HMGXB4: variants seen among roughly 807,000 people sequenced by gnomAD.
The protein encoded by HMGXB4 is HMG domain-containing protein 4.
HMGXB4 carries 27 observed loss-of-function variants against 63.9 expected under a neutral mutation model. The ratio of observed to expected loss-of-function variants is 0.42; its 90% CI spans 0.31 to 0.58. The LOEUF (loss-of-function observed/expected upper bound fraction) is 0.58, where lower values mean the gene tolerates loss of function less well. Among genes scored for constraint, HMGXB4 ranks in the 20% least tolerant of loss-of-function variants. The pLI, the probability that HMGXB4 is intolerant of heterozygous loss-of-function variation, is 0.13. For synonymous variants in HMGXB4, 264 were observed against 265.3 expected, an observed-to-expected ratio of 0.99 and a Z score of 0.05; for missense variants, 624 against 700.7, an observed-to-expected ratio of 0.89 and a Z score of 1.24.
chr22:35,279,698 T>TC, intron 5 of HMGXB4, among the ~76,000 whole-genome samples: 1 of 132,860 alleles, frequency 7.5e-6, no homozygotes, highest in Non-Finnish European at 1.7e-5. Context: ...TTTTTTTTTT[T>TC]TGGCATGTGG....
upstream of HMGXB4, among the ~76,000 whole-genome samples, chr22:35,256,892 C>T (rs777335120): frequency 5.3e-5 from 8 of 152,194 alleles, no homozygotes; most frequent in Non-Finnish European, 1.0e-4. Context: ...TGTGTTCTCG[C>T]CTGTATATGA....
the HMGXB4 span, among the ~76,000 whole-genome samples, chr22:35,251,005 C>CT: frequency 6.6e-6 from 1 of 152,088 alleles, no homozygotes; most frequent in African/African-American, 2.4e-5. Context: ...GTGGCCTTTC[C>CT]TGCTACAGAC....
At chr22:35,258,076 T>C (rs1366904300) in intron 1 of HMGXB4, 1 of 152,248 alleles carries the variant, frequency 6.6e-6, no homozygotes. Flanking sequence ...TCTTTTCCTC[T>C]TCACAGAGCT....
intron 9 of HMGXB4, 37 bp from the exon 10 acceptor site, chr22:35,292,955 G>C (rs756286881): frequency 4.3e-6 from 7 of 1,614,010 alleles, no homozygotes; most frequent in Non-Finnish European, 5.9e-6. Flanking sequence ...ACAGCATCAG[G>C]AGTGTGACTC....
chr22:35,264,816 G>A lies in HMGXB4; in HGVS notation c.428G>A (p.Ser143Asn). ...KSSGSSSHSE[S>N]KKEHHRKKVS... ...TCTGGCTCTTCAAGCCATTCGGAGA[G>A]TAAAAAGGAGCACCACAGGAAGAAA... Residue 143 changes from serine to asparagine, a missense_variant, in exon 5 of 11, where the codon AGT becomes AAT. Around this residue, in one of 2 missense-constraint regions of HMGXB4, gnomAD observed 472 missense variants for 470.6 expected, o/e 1.00. Coordinates refer to ENST00000216106, the MANE Select transcript of HMGXB4 (RefSeq NM_001003681.3). The A allele has an allele frequency of 6.2e-7, 1 of 1,614,116 alleles. No homozygotes were observed. Among genetic ancestry groups the A allele is most frequent in the Non-Finnish European group, 8.5e-7 (1 of 1,180,016 alleles).
the HMGXB4 span, among the ~76,000 whole-genome samples, chr22:35,245,337 T>C: frequency 6.6e-6 from 1 of 150,874 alleles, no homozygotes; most frequent in Non-Finnish European, 1.5e-5. Flanking sequence ...CTATTTTTTT[T>C]TTTTTTGGCT....
chr22:35,278,525 A>G lies in HMGXB4; in HGVS notation c.1216-5437A>G, dbSNP rs994908246. 2.0e-5 allele frequency among the ~76,000 whole-genome samples: 3 copies of G among 152,348 alleles called. No homozygotes were observed. In the South Asian group the frequency reaches 6.2e-4, roughly 32 times the overall value. On this transcript the variant is annotated intron_variant, in intron 5 of 10. Coordinates refer to ENST00000216106, the MANE Select transcript of HMGXB4 (RefSeq NM_001003681.3). ...CCATTGAGTTCCCAATACCTTCAAT[A>G]TATCTTGCCTGAAAGAATGAGTGAC...
chr22:35,277,355 A>T (rs1923973027), intron 5 of HMGXB4, among the ~76,000 whole-genome samples: 1 of 151,874 alleles, frequency 6.6e-6, no homozygotes. Context: ...GTTTTTGTTT[A>T]TGTTTTTGTT....
chr22:35,291,178 G>A (rs916235804), intron 9 of HMGXB4, among the ~76,000 whole-genome samples: 6 of 152,212 alleles, frequency 3.9e-5, no homozygotes, highest in South Asian at 4.1e-4. Flanking sequence ...CAGGAGAATC[G>A]CTTGAACCGG....
intron 5 of HMGXB4, among the ~76,000 whole-genome samples, chr22:35,271,071 GTGATACAGCAAGACTCTACC>G (rs1019648554): frequency 1.6e-4 from 25 of 152,136 alleles, no homozygotes; most frequent in Admixed American, 3.9e-4. Context: ...ACCAACCTAG[GTGATACAGCAAGACTCTACC>G]TCTTAATTTT....
chr22:35,275,308 CAG>C (rs1424186707), intron 5 of HMGXB4, among the ~76,000 whole-genome samples: 1 of 151,806 alleles, frequency 6.6e-6, no homozygotes, highest in East Asian at 1.9e-4. Context: ...TTAGTGGAAA[CAG>C]GGTTTCACCA....
At chr22:35,247,137 G>C in the HMGXB4 span, among the ~76,000 whole-genome samples, 1 of 152,138 alleles carries the variant, frequency 6.6e-6, no homozygotes, top group African/African-American at 2.4e-5. Flanking sequence ...ATTTTACCTT[G>C]TTTGGGCACT....
At chr22:35,260,621 A>G (rs897755059) in intron 1 of HMGXB4, among the ~76,000 whole-genome samples, 5 of 152,248 alleles carry the variant, frequency 3.3e-5, no homozygotes, top group African/African-American at 4.8e-5. Flanking sequence ...CAGTTCTCCA[A>G]TTGAACTTTA....
intron 5 of HMGXB4, among the ~76,000 whole-genome samples, chr22:35,282,270 G>A (rs1020146911): frequency 5.3e-5 from 8 of 152,154 alleles, no homozygotes; most frequent in Admixed American, 1.3e-4. Flanking sequence ...TCCACCTCCC[G>A]GGTTCACACC....
intron 1 of HMGXB4, among the ~76,000 whole-genome samples, chr22:35,260,232 A>T (rs1472682927): frequency 6.6e-6 from 1 of 152,238 alleles, no homozygotes. Flanking sequence ...ATTATTTCTG[A>T]AATATTCTTT....
Position 35,264,971 on chromosome 22 carries a change from A to G in HMGXB4, c.583A>G (p.Ile195Val). ...REPDGLKMKL[I>V]LSPKEKGSSS... Reference sequence around the variant, plus strand: ...GCCTGATGGTTTAAAAATGAAACTTATTCTGTCACCAAAGGAGAAGGGAAG... The same window carrying G: ...GCCTGATGGTTTAAAAATGAAACTTGTTCTGTCACCAAAGGAGAAGGGAAG... The change falls in exon 5 of 11, where the codon ATT becomes GTT. Residue 195 changes from isoleucine to valine, a missense_variant. Around this residue, in one of 2 missense-constraint regions of HMGXB4, gnomAD observed 472 missense variants for 470.6 expected, o/e 1.00. Transcript: ENST00000216106. 1 of 1,614,132 alleles carries G rather than the reference A, an allele frequency of 6.2e-7. No homozygotes were observed. The highest frequency in any genetic ancestry group is 8.5e-7 in the Non-Finnish European group (1 of 1,180,028).
rs1223507881 is a variant in HMGXB4 at position 35,295,793 on chromosome 22, T to C, written c.*2142T>C. 1.3e-5 allele frequency: 2 copies of C among 152,642 alleles called. No homozygotes were observed. Among genetic ancestry groups the C allele is most frequent in the Non-Finnish European group, 2.9e-5 (2 of 68,038 alleles). 9.5% of individuals were successfully genotyped at this position (152,642 alleles called of 1,614,324 possible). A position where few individuals can be genotyped will look rare whatever the true frequency, so the allele number is the denominator to read the frequency against. ...TGTACTTATATTATTAAAAATCACA[T>C]TTTTAATATTTGTAGTCCAGTCTCA... On this transcript the variant is annotated 3_prime_UTR_variant, in exon 11 of 11. Transcript: ENST00000216106.
At chr22:35,288,181 G>A in intron 8 of HMGXB4, 57 bp from the exon 9 acceptor site, 4 of 1,307,902 alleles carry the variant, frequency 3.1e-6, no homozygotes, top group Non-Finnish European at 4.0e-6. Context: ...GAACAACTTT[G>A]TGTTGTTCAA....
At chr22:35,280,216 TG>T (rs1307210439) in intron 5 of HMGXB4, among the ~76,000 whole-genome samples, 1 of 152,156 alleles carries the variant, frequency 6.6e-6, no homozygotes, top group African/African-American at 2.4e-5. Flanking sequence ...GCAGGGGTCT[TG>T]GGGGCCATCT....
Sources: allele counts gnomAD v4.1 joint callset (sites outside exome capture counted in the v4.1 genomes callset), GRCh38; gene constraint gnomAD v4.1.1; regional missense constraint gnomAD v4.1.1; transcripts MANE v1.5; gene names NCBI Gene and HGNC (gene_info 2026-07-23, HGNC 2026-07-21).